OR6J1: variants seen among roughly 807,000 people sequenced by gnomAD.
The protein encoded by OR6J1 is olfactory receptor 6J1.
For synonymous variants in OR6J1, 109 were observed against 70.0 expected (o/e 1.56, Z -2.78); for missense variants, 304 against 166.8 (o/e 1.82, Z -4.53).
Position 22,633,486 on chromosome 14 carries a change from G to T in OR6J1, c.*282C>A, listed in dbSNP as rs2037561052. 1 of 361,582 alleles carries T rather than the reference G, an allele frequency of 2.8e-6. No individual in the cohort carries two copies. The highest frequency in any genetic ancestry group is 4.3e-5 in the Admixed American group (1 of 23,326). 22.4% of individuals were successfully genotyped at this position (361,582 alleles called of 1,614,324 possible). A position where few individuals can be genotyped will look rare whatever the true frequency, so the allele number is the denominator to read the frequency against. ...GTGTTCGGGATCCATAAAGAAATGG[G>T]GCCAAACATGTTAGGACTTTAGGAG... On this transcript the variant is annotated 3_prime_UTR_variant, in exon 2 of 2. Coordinates refer to ENST00000540461, the MANE Select transcript of OR6J1 (RefSeq NM_001348233.2).
chr14:22,635,442 T>C (rs2037577091), intron 1 of OR6J1, among the ~76,000 whole-genome samples: 1 of 152,240 alleles, frequency 6.6e-6, no homozygotes. Context: ...AAAGTGTTTT[T>C]AAAGCAAGTT....
Position 22,640,001 on chromosome 14 carries a change from A to C in OR6J1, c.-28+4097T>G, listed in dbSNP as rs1453168367. ...ATCAATAAAAAAATAAATTTAAAAA[A>C]AAAAAAAATTTACACTGCTAGTGGG... On this transcript the variant is annotated intron_variant, in intron 1 of 1. Coordinates refer to ENST00000540461, the MANE Select transcript of OR6J1 (RefSeq NM_001348233.2). Among the ~76,000 whole-genome samples the C allele has an allele frequency of 2.2e-5, 2 of 89,846 alleles. 1 individual carries two copies. Among genetic ancestry groups the C allele is most frequent in the Non-Finnish European group, 4.8e-5 (2 of 41,630 alleles). The allele number at this position is 89,846 out of a possible 152,430, so 58.9% of individuals were successfully genotyped here.
intron 1 of OR6J1, among the ~76,000 whole-genome samples, chr14:22,643,219 C>T (rs898019125): frequency 7.3e-5 from 11 of 151,464 alleles, no homozygotes; most frequent in African/African-American, 2.4e-4. Context: ...CCATCCACCT[C>T]GGCCTCCCAA....
At position 22,633,741 on chromosome 14, in the gene OR6J1, T is replaced by G; in HGVS notation, c.*27A>C. On this transcript the variant is annotated 3_prime_UTR_variant, in exon 2 of 2. Transcript: ENST00000540461. ...ATTCAGAATTCCTTAGCTAGCTCACTCTTTCACTAAGGCAGCTCCTCTCTT... is the reference window on the plus strand; with the variant it reads ...ATTCAGAATTCCTTAGCTAGCTCACGCTTTCACTAAGGCAGCTCCTCTCTT... 1 of 642,450 alleles carries G rather than the reference T, an allele frequency of 1.6e-6. No individual in the cohort carries two copies. The highest frequency in any genetic ancestry group is 1.8e-5 in the South Asian group (1 of 55,502). The allele number at this position is 642,450 out of a possible 1,614,324, so 39.8% of individuals were successfully genotyped here.
At chr14:22,639,220 C>G (rs566183051) in intron 1 of OR6J1, among the ~76,000 whole-genome samples, 1 of 120,752 alleles carries the variant, frequency 8.3e-6, no homozygotes, top group Non-Finnish European at 1.6e-5. Flanking sequence ...CCACCCCGTC[C>G]GGGAGGGAGG....
At chr14:22,636,560 G>A (rs1462044098) in intron 1 of OR6J1, among the ~76,000 whole-genome samples, 1 of 116,448 alleles carries the variant, frequency 8.6e-6, no homozygotes, top group African/African-American at 4.8e-5. Flanking sequence ...GCAGGCGCAC[G>A]CCGCCACGCC....
intron 1 of OR6J1, among the ~76,000 whole-genome samples, chr14:22,642,179 G>T (rs940591454): frequency 6.6e-6 from 1 of 151,774 alleles, no homozygotes; most frequent in Non-Finnish European, 1.5e-5. Context: ...GCATTGCCAA[G>T]GATCTTTTCT....
chr14:22,635,342 CAT>C (rs751024938), intron 1 of OR6J1, among the ~76,000 whole-genome samples: 2 of 152,070 alleles, frequency 1.3e-5, no homozygotes, highest in Non-Finnish European at 2.9e-5. Flanking sequence ...TTTACAGTAA[CAT>C]ATAAATGACA....
Position 22,631,982 on chromosome 14 carries a change from T to A in OR6J1, c.*1786A>T, listed in dbSNP as rs1187842429. The A allele has an allele frequency of 6.6e-6, 1 of 152,330 alleles. No homozygotes were observed. The highest frequency in any genetic ancestry group is 1.5e-5 in the Non-Finnish European group (1 of 68,136). The allele number at this position is 152,330 out of a possible 1,614,324, so 9.4% of individuals were successfully genotyped here. A position where few individuals can be genotyped will look rare whatever the true frequency, so the allele number is the denominator to read the frequency against. ...CCTGATATAGCTAGCTCTGAATAAG[T>A]GGCATCTGTGCTCATTTAAGTAGTC... On this transcript the variant is annotated 3_prime_UTR_variant, in exon 2 of 2. Transcript: ENST00000540461.
Position 22,634,006 on chromosome 14 carries a change from A to T in OR6J1, c.806T>A (p.Ile269Asn), listed in dbSNP as rs1199963517. 1 of 702,888 alleles carries T rather than the reference A, an allele frequency of 1.4e-6. No homozygotes were observed. Among genetic ancestry groups the T allele is most frequent in the East Asian group, 2.7e-5 (1 of 37,300 alleles). 43.5% of individuals were successfully genotyped at this position (702,888 alleles called of 1,614,324 possible). A position where few individuals can be genotyped will look rare whatever the true frequency, so the allele number is the denominator to read the frequency against. ...VTPSQKEYLEINKIPLVLSSV... is the reference protein window; with the variant it reads ...VTPSQKEYLENNKIPLVLSSV... Reference sequence around the variant, plus strand: ...GCTCAGAACCAAAGGGATCTTGTTGATCTCCAGATATTCTTTCTGGGAGGG... The same window carrying T: ...GCTCAGAACCAAAGGGATCTTGTTGTTCTCCAGATATTCTTTCTGGGAGGG... Residue 269 changes from isoleucine to asparagine, a missense_variant, in exon 2 of 2, where the codon ATC becomes AAC. Physicochemically the swap from Ile to Asn is moderately radical, Grantham distance 149 (BLOSUM62 -3). Transcript: ENST00000540461.
At chr14:22,639,296 G>A (rs1472499607) in intron 1 of OR6J1, among the ~76,000 whole-genome samples, 8 of 123,348 alleles carry the variant, frequency 6.5e-5, no homozygotes, top group South Asian at 2.4e-4. Context: ...GCCTCTGCCC[G>A]GCCGCCCCTA....
In OR6J1 at chr14:22,633,504, T is replaced by G. The variant is rs1222300497; in HGVS notation, c.*264A>C. 1.5e-5 allele frequency: 6 copies of G among 413,224 alleles called. No individual in the cohort carries two copies. Among genetic ancestry groups the G allele is most frequent in the Non-Finnish European group, 2.6e-5 (6 of 233,442 alleles). The allele number at this position is 413,224 out of a possible 1,614,324, so 25.6% of individuals were successfully genotyped here. A position where few individuals can be genotyped will look rare whatever the true frequency, so the allele number is the denominator to read the frequency against. On this transcript the variant is annotated 3_prime_UTR_variant, in exon 2 of 2. Coordinates refer to ENST00000540461, the MANE Select transcript of OR6J1 (RefSeq NM_001348233.2). ...GAAATGGGGCCAAACATGTTAGGAC[T>G]TTAGGAGGAAATAGGCTGCATGGCC...
chr14:22,638,006 G>GCCGCC (rs1234707904), intron 1 of OR6J1, among the ~76,000 whole-genome samples: 2 of 87,070 alleles, frequency 2.3e-5, no homozygotes, highest in African/African-American at 1.5e-4. Flanking sequence ...TGCCTGGCCA[G>GCCGCC]CCGCCCCGTC....
Position 22,641,210 on chromosome 14 carries a change from T to TAAGAAAGAAAGA in OR6J1, c.-28+2876_-28+2887dup, listed in dbSNP as rs992658481. On this transcript the variant is annotated intron_variant, in intron 1 of 1. Transcript: ENST00000540461. ...AGAGAGACAGAGAGGGAGAGAAAGA[T>TAAGAAAGAAAGA]AAGAAAGAAAGAAAGAAAGAAAGAA... Among the ~76,000 whole-genome samples the TAAGAAAGAAAGA allele has an allele frequency of 4.4e-3, 537 of 122,544 alleles. 7 individuals are homozygous for TAAGAAAGAAAGA. Among genetic ancestry groups the TAAGAAAGAAAGA allele is most frequent in the Middle Eastern group, 8.1e-3 (2 of 248 alleles). 80.4% of individuals were successfully genotyped at this position (122,544 alleles called of 152,430 possible).
chr14:22,635,487 G>A (rs983415491), intron 1 of OR6J1, among the ~76,000 whole-genome samples: 1 of 152,154 alleles, frequency 6.6e-6, no homozygotes, highest in Non-Finnish European at 1.5e-5. Context: ...GCCATTTTGG[G>A]GGAGAGATGT....
intron 1 of OR6J1, among the ~76,000 whole-genome samples, chr14:22,640,312 G>GA (rs2037635823): frequency 2.3e-5 from 3 of 131,096 alleles, no homozygotes; most frequent in African/African-American, 8.3e-5. Context: ...GGGAGGAGAG[G>GA]GGAGGAGAGG....
In OR6J1 at chr14:22,633,893, C is replaced by T; in HGVS notation, c.919G>A (p.Val307Ile). Residue 307 changes from valine (V) to isoleucine (I), a missense_variant, in exon 2 of 2, where the codon GTT (valine) becomes ATT (isoleucine). Physicochemically the swap from Val to Ile is conservative, Grantham distance 29 (BLOSUM62 3). Transcript: ENST00000540461. ...ATCCTCTTTTCAAAAACTCCTCGAA[C>T]CCTGACCCACACATCCCTGAGGACT... ...QGVLRDVWVR[V>I]RGVFEKRMRA... The T allele has an allele frequency of 2.8e-6, 2 of 702,948 alleles. No individual in the cohort carries two copies. The highest frequency in any genetic ancestry group is 1.5e-5 in the South Asian group (1 of 67,594). The allele number at this position is 702,948 out of a possible 1,614,324, so 43.5% of individuals were successfully genotyped here. A position where few individuals can be genotyped will look rare whatever the true frequency, so the allele number is the denominator to read the frequency against.
chr14:22,636,229 T>G (rs867432238), intron 1 of OR6J1, among the ~76,000 whole-genome samples: 157 of 334 alleles, frequency 0.47, 19 homozygotes, highest in Middle Eastern at 1. Flanking sequence ...ACTAGCGCCC[T>G]CTCCCTCTCC....
At chr14:22,636,613 G>A (rs2037588678) in intron 1 of OR6J1, among the ~76,000 whole-genome samples, 2 of 115,698 alleles carry the variant, frequency 1.7e-5, no homozygotes. Flanking sequence ...ACGGGGTTTT[G>A]CTGTGTTGGC....
Sources: gnomAD v4.1 joint callset for allele counts (sites outside exome capture counted in the v4.1 genomes callset) on GRCh38, gnomAD v4.1.1 for gene constraint, MANE v1.5 for transcripts, NCBI Gene and HGNC (gene_info 2026-07-23, HGNC 2026-07-21) for gene names.